Variants in TMEM117 observed in about 807,000 individuals in gnomAD.
The protein encoded by TMEM117 is transmembrane protein 117.
A neutral mutation model predicts 52.4 loss-of-function variants in TMEM117; 27 were observed. That is an observed-to-expected ratio of 0.51 (90% CI 0.38 to 0.71). TMEM117 has a LOEUF of 0.71. Among genes scored for constraint, TMEM117 ranks in the 30% least tolerant of loss-of-function variants. The probability of loss-of-function intolerance (pLI) is 0.00; values close to 1 mark genes in which losing one functional copy is unlikely to be tolerated. For missense variants in TMEM117, 556 were observed against 630.5 expected, an observed-to-expected ratio of 0.88 and a Z score of 1.26; for synonymous variants, 215 against 206.3, an observed-to-expected ratio of 1.04 and a Z score of -0.36.
chr12:43,835,786 G>T (rs1943014967), upstream of TMEM117, among the ~76,000 whole-genome samples: 1 of 151,888 alleles, frequency 6.6e-6, no homozygotes, highest in African/African-American at 2.4e-5. Context: ...GCCGGCCCGG[G>T]CAGGCTCGGC....
intron 5 of TMEM117, among the ~76,000 whole-genome samples, chr12:44,246,968 A>G (rs1315431364): frequency 6.6e-6 from 1 of 152,126 alleles, no homozygotes; most frequent in Non-Finnish European, 1.5e-5. Context: ...AGCAGTGGTT[A>G]TTTTTAATCA....
intron 3 of TMEM117, among the ~76,000 whole-genome samples, chr12:44,061,497 A>G (rs1240204308): frequency 6.6e-6 from 1 of 151,822 alleles, no homozygotes; most frequent in East Asian, 1.9e-4. Flanking sequence ...GTGACTAGGG[A>G]TCAAGGAGAG....
At chr12:43,916,076 C>A (rs1944598561) in intron 2 of TMEM117, among the ~76,000 whole-genome samples, 2 of 151,990 alleles carry the variant, frequency 1.3e-5, no homozygotes, top group African/African-American at 4.8e-5. Context: ...CTAACTTATT[C>A]TTCTTTTTCC....
intron 3 of TMEM117, among the ~76,000 whole-genome samples, chr12:44,076,830 G>C (rs1027086662): frequency 6.6e-6 from 1 of 152,072 alleles, no homozygotes; most frequent in Admixed American, 6.6e-5. Flanking sequence ...AAAATAGCCC[G>C]ATGGAAGATA....
At chr12:43,937,540 CT>C (rs1296235244) in intron 2 of TMEM117, among the ~76,000 whole-genome samples, 1 of 152,028 alleles carries the variant, frequency 6.6e-6, no homozygotes, top group Non-Finnish European at 1.5e-5. Context: ...GATGAAAAGG[CT>C]GATAAGGAAG....
intron 3 of TMEM117, among the ~76,000 whole-genome samples, chr12:44,080,638 G>A (rs1947467047): frequency 6.6e-6 from 1 of 152,078 alleles, no homozygotes; most frequent in African/African-American, 2.4e-5. Flanking sequence ...CCTCCTACCT[G>A]TTTTGGCATG....
intron 4 of TMEM117, among the ~76,000 whole-genome samples, chr12:44,173,388 T>A (rs957116279): frequency 1.3e-5 from 2 of 152,182 alleles, no homozygotes; most frequent in Non-Finnish European, 2.9e-5. Context: ...CCTGTTCTTA[T>A]TTTATTAATT....
chr12:44,069,526 G>C (rs1363923781), intron 3 of TMEM117, among the ~76,000 whole-genome samples: 3 of 152,146 alleles, frequency 2.0e-5, no homozygotes, highest in Non-Finnish European at 1.5e-5. Flanking sequence ...ATTTTGGCTG[G>C]AATGGACCAC....
chr12:43,903,760 G>T (rs1944341278), intron 2 of TMEM117, among the ~76,000 whole-genome samples: 1 of 152,194 alleles, frequency 6.6e-6, no homozygotes, highest in Non-Finnish European at 1.5e-5. Flanking sequence ...TTGCAGTGCA[G>T]CTCAGCCTGG....
At chr12:43,974,459 T>C (rs1479026052) in intron 3 of TMEM117, among the ~76,000 whole-genome samples, 1 of 152,182 alleles carries the variant, frequency 6.6e-6, no homozygotes, top group Non-Finnish European at 1.5e-5. Context: ...AAGTATGTTT[T>C]GTAAAGGACT....
At chr12:44,163,634 T>A (rs1039368477) in intron 4 of TMEM117, among the ~76,000 whole-genome samples, 5 of 152,228 alleles carry the variant, frequency 3.3e-5, no homozygotes, top group Admixed American at 3.3e-4. Context: ...AATTTGGCCT[T>A]GTTTCACTAC....
chr12:44,216,936 A>G (rs935335428), intron 5 of TMEM117, among the ~76,000 whole-genome samples: 1 of 152,136 alleles, frequency 6.6e-6, no homozygotes, highest in Non-Finnish European at 1.5e-5. Context: ...CTTAATCATA[A>G]TTATCTTAAT....
chr12:43,923,974 A>G (rs1412087743), intron 2 of TMEM117, among the ~76,000 whole-genome samples: 1 of 152,208 alleles, frequency 6.6e-6, no homozygotes, highest in Non-Finnish European at 1.5e-5. Context: ...AAGTGTTAGA[A>G]TAGTGGCTAA....
the TMEM117 span, among the ~76,000 whole-genome samples, chr12:44,398,464 C>A: frequency 6.6e-6 from 1 of 152,162 alleles, no homozygotes; most frequent in Non-Finnish European, 1.5e-5. Flanking sequence ...TGTGATTGAC[C>A]AGTCACTTGG....
rs11182390 is a variant in TMEM117, at chr12:44,033,587, T to A, written c.410+89245T>A. Among the ~76,000 whole-genome samples the A allele has an allele frequency of 1.4e-3, 215 of 152,246 alleles. 3 individuals carry two copies. In the East Asian group the frequency reaches 0.025, roughly 17 times the overall value. ...CTCAGCTAACAGATGAAATAAGAGG[T>A]CCAGGATTATGGAGTGATTTGCCAA... On this transcript the variant is annotated intron_variant, in intron 3 of 7. Coordinates refer to ENST00000266534, the MANE Select transcript of TMEM117 (RefSeq NM_032256.3).
intron 3 of TMEM117, among the ~76,000 whole-genome samples, chr12:44,085,637 GT>G (rs1947554574): frequency 6.6e-6 from 1 of 152,180 alleles, no homozygotes; most frequent in Admixed American, 6.5e-5. Flanking sequence ...GCAAAATGGT[GT>G]TTTCTCACCT....
downstream of TMEM117, among the ~76,000 whole-genome samples, chr12:44,390,606 T>C (rs1952156772): frequency 6.6e-6 from 1 of 152,062 alleles, no homozygotes; most frequent in Admixed American, 6.6e-5. Flanking sequence ...CATGTTTATG[T>C]GTTTCTAGGG....
intron 6 of TMEM117, among the ~76,000 whole-genome samples, chr12:44,337,048 T>C (rs971171089): frequency 6.6e-6 from 1 of 152,096 alleles, no homozygotes; most frequent in Non-Finnish European, 1.5e-5. Context: ...GTAATATTCC[T>C]TTGCAGTTGG....
chr12:44,372,701 G>A lies in TMEM117; in HGVS notation c.769-3894G>A, dbSNP rs189002996. ...GTGATTCTCAATTAGAAAACATAGA[G>A]CAGGTAAAAATAATTCCAGTTCTTA... On this transcript the variant is annotated intron_variant, in intron 6 of 7. Transcript: ENST00000266534. Among the ~76,000 whole-genome samples the A allele has an allele frequency of 6.6e-5, 10 of 152,174 alleles. No individual in the cohort carries two copies. In the East Asian group the frequency reaches 1.7e-3, roughly 26 times the overall value.
Sources: gnomAD v4.1 joint callset for allele counts (sites outside exome capture counted in the v4.1 genomes callset) on GRCh38, gnomAD v4.1.1 for gene constraint, MANE v1.5 for transcripts, NCBI Gene and HGNC (gene_info 2026-07-23, HGNC 2026-07-21) for gene names.